MCTP1: variants seen among roughly 807,000 people sequenced by gnomAD.
The protein encoded by MCTP1 is multiple C2 and transmembrane domain-containing protein 1.
A neutral mutation model predicts 120.6 loss-of-function variants in MCTP1; 69 were observed. The observed-to-expected ratio is 0.57, with a 90% CI of 0.47 to 0.70. The LOEUF is 0.70. Among genes scored for constraint, MCTP1 ranks in the 30% least tolerant of loss-of-function variants. The pLI, the probability that MCTP1 is intolerant of heterozygous loss-of-function variation, is 0.00. For synonymous variants in MCTP1, 529 were observed against 493.1 expected (o/e 1.07, Z -0.96); for missense variants, 1,203 against 1,248.8 (o/e 0.96, Z 0.55).
chr5:94,895,752 G>GT (rs1419688942), intron 10 of MCTP1, among the ~76,000 whole-genome samples: 5 of 152,196 alleles, frequency 3.3e-5, no homozygotes, highest in Non-Finnish European at 7.3e-5. Flanking sequence ...TTCAAAGCTT[G>GT]TAGTTGAGTT....
At chr5:94,760,207 C>T (rs1489231961) in intron 19 of MCTP1, among the ~76,000 whole-genome samples, 1 of 151,966 alleles carries the variant, frequency 6.6e-6, no homozygotes, top group Non-Finnish European at 1.5e-5. Context: ...CACATTTTCT[C>T]TAATATACCC....
intron 2 of MCTP1, among the ~76,000 whole-genome samples, chr5:94,992,778 ATCCCTTCCCCAT>A (rs1561983814): frequency 1.5e-4 from 7 of 45,630 alleles, no homozygotes; most frequent in Non-Finnish European, 4.2e-4. Context: ...GTTGGCCCCC[ATCCCTTCCCCAT>A]CTCAACCTTC....
chr5:94,819,645 G>A (rs957629768), intron 17 of MCTP1, among the ~76,000 whole-genome samples: 28 of 152,234 alleles, frequency 1.8e-4, no homozygotes, highest in African/African-American at 6.5e-4. Flanking sequence ...GTTAAAAAGA[G>A]GTGATTATTT....
At chr5:94,924,645 T>C (rs1812556215) in intron 6 of MCTP1, among the ~76,000 whole-genome samples, 1 of 152,194 alleles carries the variant, frequency 6.6e-6, no homozygotes, top group Non-Finnish European at 1.5e-5. Flanking sequence ...CTCAGACTTT[T>C]ATAAAGGAAA....
intron 1 of MCTP1, among the ~76,000 whole-genome samples, chr5:95,202,681 G>A (rs1751197321): frequency 6.6e-6 from 1 of 152,004 alleles, no homozygotes; most frequent in Non-Finnish European, 1.5e-5. Flanking sequence ...TACCTTGCTT[G>A]GCACTTACTG....
chr5:94,885,668 G>A (rs909753671), intron 12 of MCTP1, among the ~76,000 whole-genome samples: 2 of 146,156 alleles, frequency 1.4e-5, no homozygotes, highest in Admixed American at 1.4e-4. Flanking sequence ...TAGCTGCAGA[G>A]AGAATGTTCC....
chr5:94,812,506 A>AC (rs1783651486), intron 17 of MCTP1, among the ~76,000 whole-genome samples: 2 of 151,646 alleles, frequency 1.3e-5, no homozygotes, highest in Non-Finnish European at 2.9e-5. Flanking sequence ...CAAAAAAAAA[A>AC]CCCTTCTACA....
intron 17 of MCTP1, among the ~76,000 whole-genome samples, chr5:94,804,188 A>G (rs759055521): frequency 1.3e-5 from 2 of 152,216 alleles, no homozygotes; most frequent in Non-Finnish European, 2.9e-5. Flanking sequence ...TCTCTCTCCA[A>G]GGAGACAATG....
At chr5:95,206,031 T>C (rs576758848) in intron 1 of MCTP1, among the ~76,000 whole-genome samples, 7 of 152,296 alleles carry the variant, frequency 4.6e-5, no homozygotes, top group African/African-American at 1.7e-4. Context: ...ATTCCACTCC[T>C]GGTTATATGC....
rs531995055 is a variant in MCTP1, at chr5:94,737,527, T to G, written c.2611-22641A>C. Among the ~76,000 whole-genome samples the G allele has an allele frequency of 3.5e-4, 53 of 152,174 alleles. 1 individual carries two copies. The South Asian group carries it at 0.011, about 31-fold the overall frequency. ...GAATAGAAAAAATTAAAATAGGGAG[T>G]CCTGTAGTTTTGTTTCAATAACTCC... On this transcript the variant is annotated intron_variant, in intron 19 of 22. Transcript: ENST00000515393.
chr5:95,242,841 A>C (rs1018374970), intron 1 of MCTP1, among the ~76,000 whole-genome samples: 1 of 152,242 alleles, frequency 6.6e-6, no homozygotes, highest in Non-Finnish European at 1.5e-5. Context: ...ACATGGATGT[A>C]CACGTCACAA....
intron 2 of MCTP1, among the ~76,000 whole-genome samples, chr5:94,974,551 A>G (rs976340129): frequency 5.3e-5 from 8 of 152,278 alleles, no homozygotes; most frequent in African/African-American, 1.7e-4. Flanking sequence ...CCTATCCCTG[A>G]AAAATAATAA....
intron 1 of MCTP1, among the ~76,000 whole-genome samples, chr5:95,085,404 ATT>A: frequency 6.9e-6 from 1 of 144,770 alleles, no homozygotes; most frequent in East Asian, 2.0e-4. Context: ...GATCCTTTAA[ATT>A]TTTTTTTTTT....
intron 1 of MCTP1, among the ~76,000 whole-genome samples, chr5:95,047,258 C>T (rs572569594): frequency 6.6e-6 from 1 of 152,264 alleles, no homozygotes; most frequent in Non-Finnish European, 1.5e-5. Flanking sequence ...CCACTATGGC[C>T]TTAGTGACAT....
intron 20 of MCTP1, among the ~76,000 whole-genome samples, chr5:94,712,283 C>T (rs1461212419): frequency 6.6e-6 from 1 of 152,116 alleles, no homozygotes; most frequent in Non-Finnish European, 1.5e-5. Context: ...CTCAAGGAAT[C>T]TCATTTATGG....
intron 9 of MCTP1, among the ~76,000 whole-genome samples, chr5:94,911,338 T>C (rs1808505940): frequency 6.6e-6 from 1 of 152,158 alleles, no homozygotes. Context: ...TAAGATGATA[T>C]GGTTTGGCTC....
chr5:94,844,683 T>C (rs1302474170), intron 17 of MCTP1, among the ~76,000 whole-genome samples: 1 of 152,192 alleles, frequency 6.6e-6, no homozygotes, highest in Non-Finnish European at 1.5e-5. Context: ...AACTGCTGGC[T>C]GTAGGAACAC....
intron 2 of MCTP1, among the ~76,000 whole-genome samples, chr5:94,962,670 A>G (rs1824569935): frequency 6.6e-6 from 1 of 151,960 alleles, no homozygotes; most frequent in Non-Finnish European, 1.5e-5. Context: ...GAGCTAAGCT[A>G]TGAGGATGCA....
intron 1 of MCTP1, among the ~76,000 whole-genome samples, chr5:95,140,815 G>A (rs1759859967): frequency 7.4e-6 from 1 of 135,500 alleles, no homozygotes. Flanking sequence ...AGGAGGCGGA[G>A]CTTGCAGTGA....
Sources: gnomAD v4.1 joint callset for allele counts (sites outside exome capture counted in the v4.1 genomes callset) on GRCh38, gnomAD v4.1.1 for gene constraint, MANE v1.5 for transcripts, NCBI Gene and HGNC (gene_info 2026-07-23, HGNC 2026-07-21) for gene names.